Variants in KYNU observed in about 807,000 individuals in gnomAD.
KYNU encodes the protein kynureninase, also known as L-kynurenine hydrolase.
A neutral mutation model predicts 59.2 loss-of-function variants in KYNU; 54 were observed. The observed-to-expected ratio is 0.91, with a 90% CI of 0.73 to 1.14. The LOEUF is 1.14. Ranked by LOEUF, KYNU falls within the 50% of genes most tolerant of loss-of-function variation. KYNU has a pLI of 0.00. For missense variants in KYNU, 567 were observed against 554.4 expected, an observed-to-expected ratio of 1.02 and a Z score of -0.23; for synonymous variants, 177 against 192.0, an observed-to-expected ratio of 0.92 and a Z score of 0.65.
chr2:142,952,770 C>T (rs1378528804), intron 4 of KYNU, among the ~76,000 whole-genome samples: 1 of 152,054 alleles, frequency 6.6e-6, no homozygotes, highest in Non-Finnish European at 1.5e-5. Context: ...AGAAAGCCTC[C>T]TTTTTCCTGC....
chr2:142,902,253 C>T (rs1402425392), intron 2 of KYNU, among the ~76,000 whole-genome samples: 1 of 152,214 alleles, frequency 6.6e-6, no homozygotes, highest in Non-Finnish European at 1.5e-5. Flanking sequence ...GGTTTGCAAG[C>T]TGGTCCCTTG....
chr2:142,953,696 G>A (rs351676), intron 4 of KYNU, among the ~76,000 whole-genome samples: 44,041 of 152,052 alleles, frequency 0.29, 10,432 homozygotes, highest in African/African-American at 0.64. Context: ...TCAGAGATAC[G>A]TCTTTTAGCA....
intron 3 of KYNU, 138 bp downstream of exon 3, chr2:142,918,867 C>T (rs1276241628): frequency 8.5e-6 from 8 of 936,016 alleles, no homozygotes; most frequent in African/African-American, 1.7e-5. Flanking sequence ...AGGATTAGTT[C>T]CAGGGCCTCC....
intron 4 of KYNU, among the ~76,000 whole-genome samples, chr2:142,942,850 A>C (rs967003128): frequency 1.3e-5 from 2 of 152,126 alleles, no homozygotes; most frequent in Non-Finnish European, 2.9e-5. Context: ...GGCTGTCCTC[A>C]TGCACATTGG....
intron 8 of KYNU, among the ~76,000 whole-genome samples, chr2:142,969,616 A>G (rs1192434438): frequency 2.0e-5 from 3 of 152,226 alleles, no homozygotes; most frequent in Admixed American, 2.0e-4. Flanking sequence ...TTGAGAAATA[A>G]TGATTAATTC....
At chr2:142,994,423 G>A (rs1194731416) in intron 10 of KYNU, among the ~76,000 whole-genome samples, 2 of 152,036 alleles carry the variant, frequency 1.3e-5, no homozygotes, top group Non-Finnish European at 2.9e-5. Flanking sequence ...ATTTGATTGG[G>A]TGGGAATTAT....
intron 3 of KYNU, among the ~76,000 whole-genome samples, chr2:142,923,984 CATTTA>C (rs1221788422): frequency 2.9e-4 from 44 of 152,216 alleles, no homozygotes; most frequent in African/African-American, 4.8e-5. Context: ...CCTCTAGTCT[CATTTA>C]ATTTAAGGAT....
At chr2:142,983,231 A>G (rs1413829818) in intron 8 of KYNU, among the ~76,000 whole-genome samples, 2 of 152,028 alleles carry the variant, frequency 1.3e-5, no homozygotes, top group South Asian at 2.1e-4. Context: ...TATGCTCCAC[A>G]TTTCTTTTAT....
chr2:143,022,433 A>G (rs751549149), intron 10 of KYNU, among the ~76,000 whole-genome samples: 1 of 151,952 alleles, frequency 6.6e-6, no homozygotes, highest in African/African-American at 2.4e-5. Flanking sequence ...GTATTTTATG[A>G]TGTTTGTATT....
At chr2:142,977,372 G>GAGATATATATATATATATATAT (rs1553484697) in intron 8 of KYNU, among the ~76,000 whole-genome samples, 2 of 131,150 alleles carry the variant, frequency 1.5e-5, no homozygotes, top group Non-Finnish European at 1.7e-5. Flanking sequence ...ATTTTGTGTG[G>GAGATATATATATATATATATAT]ATATATATAT....
intron 9 of KYNU, 142 bp downstream of exon 9, chr2:142,985,324 G>A (rs902639095): frequency 8.8e-6 from 6 of 678,040 alleles, no homozygotes; most frequent in African/African-American, 7.2e-5. Flanking sequence ...TTTGTTAATC[G>A]AGTTATATGA....
chr2:142,915,077 T>C (rs1278968976), intron 2 of KYNU, among the ~76,000 whole-genome samples: 1 of 152,228 alleles, frequency 6.6e-6, no homozygotes, highest in African/African-American at 2.4e-5. Context: ...AACAAAAATA[T>C]ACTGCAAAAG....
At chr2:143,029,591 AC>A (rs747129291) in intron 10 of KYNU, 35 bp from the exon 11 acceptor site, 189 of 1,388,626 alleles carry the variant, frequency 1.4e-4, no homozygotes, top group Non-Finnish European at 1.6e-4. Context: ...ATCCAAAAAA[AC>A]CCCCAAAAAC....
At chr2:142,979,942 A>C (rs1422182214) in intron 8 of KYNU, among the ~76,000 whole-genome samples, 2 of 152,102 alleles carry the variant, frequency 1.3e-5, no homozygotes, top group Non-Finnish European at 2.9e-5. Context: ...TAAAAGAATA[A>C]AAGAATGTCT....
rs371203397 is a variant in KYNU, at chr2:143,012,606, T to A, written c.903-17021T>A. On this transcript the variant is annotated intron_variant, in intron 10 of 13. Transcript: ENST00000264170. The stretch of plus-strand genomic sequence containing the variant: ...TATTTTTTACTGTGTATATTTAAGG[T>A]CTATAACATGATGTATGGGATACAT... Among the ~76,000 whole-genome samples, 55 of 152,292 alleles carry A rather than the reference T, an allele frequency of 3.6e-4. 1 individual carries two copies. The highest frequency in any genetic ancestry group is 1.3e-3 in the African/African-American group (53 of 41,566).
intron 8 of KYNU, chr2:142,971,314 G>C (rs1457679433): frequency 6.6e-6 from 1 of 151,558 alleles, no homozygotes; most frequent in African/African-American, 2.4e-5. Context: ...CATTATGTGT[G>C]TGTGTGTGTG....
intron 4 of KYNU, among the ~76,000 whole-genome samples, chr2:142,938,958 AAAAT>A (rs777962084): frequency 4.1e-4 from 62 of 152,066 alleles, no homozygotes; most frequent in Middle Eastern, 3.4e-3. Flanking sequence ...CCGTCTCTAC[AAAAT>A]AAATAAATAA....
Position 142,931,930 on chromosome 2 carries a change from C to T in KYNU, c.373+4189C>T, listed in dbSNP as rs564453519. Among the ~76,000 whole-genome samples, 94 of 152,262 alleles carry T rather than the reference C, an allele frequency of 6.2e-4. 1 individual carries two copies. The highest frequency in any genetic ancestry group is 5.6e-3 in the Admixed American group (86 of 15,292). ...TGCATGATGAGAGTTTGTGTGACGA[C>T]ATTTGCACCTTCTGAAGTTGTTGGG... On this transcript the variant is annotated intron_variant, in intron 4 of 13. Coordinates refer to ENST00000264170, the MANE Select transcript of KYNU (RefSeq NM_003937.3).
intron 10 of KYNU, among the ~76,000 whole-genome samples, chr2:143,005,347 C>T (rs1444854566): frequency 6.6e-6 from 1 of 152,156 alleles, no homozygotes; most frequent in East Asian, 1.9e-4. Context: ...GTAGAGCTCT[C>T]ATATACCAGG....
Sources: allele counts gnomAD v4.1 joint callset (sites outside exome capture counted in the v4.1 genomes callset), GRCh38; gene constraint gnomAD v4.1.1; transcripts MANE v1.5; gene names NCBI Gene and HGNC (gene_info 2026-07-23, HGNC 2026-07-21).